TPSG1: variants seen among roughly 807,000 people sequenced by gnomAD.
TPSG1 encodes tryptase gamma.
TPSG1 carries 43 observed loss-of-function variants against 23.8 expected under a neutral mutation model. The observed-to-expected ratio is 1.81, with a 90% CI of 1.42 to 2.33. The LOEUF (loss-of-function observed/expected upper bound fraction) is 2.33, where lower values mean the gene tolerates loss of function less well. Among genes scored for constraint, TPSG1 ranks in the 30% most tolerant of loss-of-function variants. The pLI is 0.00. For synonymous variants in TPSG1, 302 were observed against 201.3 expected (o/e 1.50, Z -4.23); for missense variants, 623 against 438.6 (o/e 1.42, Z -3.75).
chr16:1,222,351 G>C lies in TPSG1; in HGVS notation c.512-10C>G, dbSNP rs748454866. On this transcript the variant is annotated splice_polypyrimidine_tract_variant and intron_variant, in intron 4 of 5. Transcript: ENST00000234798. ...GGGGGTGGCAGAGGCTCTGGGGTGG[G>C]GGGAACAGGCTTCAGAGAAGGTTGG... The C allele has an allele frequency of 1.9e-6, 3 of 1,579,598 alleles. No individual in the cohort carries two copies. Among genetic ancestry groups the C allele is most frequent in the Non-Finnish European group, 1.7e-6 (2 of 1,161,088 alleles).
chr16:1,223,797 G>A, intron 2 of TPSG1: 1 of 606,620 alleles, frequency 1.6e-6, no homozygotes, highest in South Asian at 2.2e-5. Context: ...TGGGGCTCAG[G>A]TCGTCCTTTC....
chr16:1,221,663 G>T lies in TPSG1; in HGVS notation c.*125C>A. 1 of 1,052,420 alleles carries T rather than the reference G, an allele frequency of 9.5e-7. No homozygotes were observed. Among genetic ancestry groups the T allele is most frequent in the Non-Finnish European group, 1.3e-6 (1 of 742,878 alleles). The allele number at this position is 1,052,420 out of a possible 1,614,324, so 65.2% of individuals were successfully genotyped here. ...TCCCATTGACACCTTTGTTTCGTGT[G>T]CTTTTAAATTCAGGTTAAATGTTGC... On this transcript the variant is annotated 3_prime_UTR_variant, in exon 6 of 6. Transcript: ENST00000234798.
At chr16:1,222,591 C>T (rs1408018548) in intron 4 of TPSG1, 61 bp downstream of exon 4, 3 of 1,514,642 alleles carry the variant, frequency 2.0e-6, no homozygotes, top group Admixed American at 4.2e-5. Context: ...TCCCTCAAGC[C>T]AGCTCTCTTC....
rs139480629 is a variant in TPSG1, at chr16:1,221,964, A to G, written c.790T>C (p.Trp264Arg). The G allele has an allele frequency of 4.4e-5, 71 of 1,612,124 alleles. No homozygotes were observed. The highest frequency in any genetic ancestry group is 5.8e-5 in the Non-Finnish European group (69 of 1,179,614). ...GATGCTGTGATGTGGCGGCGGATCC[A>G]GTTCACGTAGGCAGGGACACGAGTG... ...VYTRVPAYVN[W>R]IRRHITASGG... The change falls in exon 6 of 6, where the codon TGG (tryptophan) becomes CGG (arginine). Residue 264 changes from tryptophan (W) to arginine (R), a missense_variant. Coordinates refer to ENST00000234798, the MANE Select transcript of TPSG1 (RefSeq NM_012467.4).
In TPSG1 at chr16:1,221,793, C is replaced by T; in HGVS notation, c.961G>A (p.Asp321Asn). The T allele has an allele frequency of 1.2e-6, 2 of 1,601,120 alleles. No individual in the cohort carries two copies. The highest frequency in any genetic ancestry group is 1.7e-6 in the Non-Finnish European group (2 of 1,172,600). ...SADGTPFPAP[D>N] ...ATGCACTTGGATTCCTGCCATCAGT[C>T]AGGGGCGGGGAAGGGAGTACCATCC... The change falls in exon 6 of 6, where the codon GAC (aspartate) becomes AAC (asparagine). Residue 321 changes from aspartate (D) to asparagine (N), a missense_variant. Physicochemically the swap from Asp to Asn is conservative, Grantham distance 23. Coordinates refer to ENST00000234798, the MANE Select transcript of TPSG1 (RefSeq NM_012467.4).
At position 1,224,621 on chromosome 16, in the gene TPSG1, G is replaced by A. The variant is rs756665192; in HGVS notation, c.54C>T (p.Ser18=). The part of the protein sequence containing the change: ...LLLLLAVPGV[S]LRTLQPGCGR... ...ACGTACCTGGCTGCAAAGTCCTGAG[G>A]GACACACCTGTGGGAAAGACGAAGG... Residue 18 remains serine (S), a synonymous_variant, in exon 2 of 6, where the codon TCC becomes TCT. Coordinates refer to ENST00000234798, the MANE Select transcript of TPSG1 (RefSeq NM_012467.4). The A allele has an allele frequency of 3.1e-6, 5 of 1,613,664 alleles. No individual in the cohort carries two copies. Among genetic ancestry groups the A allele is most frequent in the Non-Finnish European group, 4.2e-6 (5 of 1,179,880 alleles).
rs143293536 is a variant in TPSG1 at position 1,222,093 on chromosome 16, C to T, written c.661G>A (p.Asp221Asn). The T allele has an allele frequency of 1.1e-5, 18 of 1,612,656 alleles. No homozygotes were observed. The highest frequency in any genetic ancestry group is 1.6e-4 in the Middle Eastern group (1 of 6,082). The part of the protein sequence containing the change: ...ARGPGDACQD[D>N]SGGPLVCQVN... ...TGGCAGACCAGAGGCCCCCCGGAGT[C>T]GTCCTGAGGACAGAGAAGGCGAGCA... The change falls in exon 6 of 6, where the codon GAC becomes AAC. Residue 221 changes from aspartate (D) to asparagine (N), a missense_variant. Transcript: ENST00000234798.
intron 1 of TPSG1, 189 bp from the exon 2 acceptor site, chr16:1,224,817 G>C: frequency 1.5e-6 from 1 of 684,090 alleles, no homozygotes; most frequent in Non-Finnish European, 2.5e-6. Flanking sequence ...ACAAGCCACA[G>C]GCCATAAACG....
chr16:1,221,995 T>TC lies in TPSG1; in HGVS notation c.758dup (p.Val254SerfsTer68). 1 of 1,612,064 alleles carries TC rather than the reference T, an allele frequency of 6.2e-7. No homozygotes were observed. The highest frequency in any genetic ancestry group is 1.1e-5 in the South Asian group (1 of 91,042). ...CGTAGGCAGGGACACGAGTGTAGAC[T>TC]CCCGGCCTGTTGGGGCGGCCGCAGC... On this transcript the variant is annotated frameshift_variant, in exon 6 of 6. Coordinates refer to ENST00000234798, the MANE Select transcript of TPSG1 (RefSeq NM_012467.4). LOFTEE classifies it low-confidence loss of function (END_TRUNC).
At position 1,224,626 on chromosome 16, in the gene TPSG1, C is replaced by T; in HGVS notation, c.49G>A (p.Val17Met). The T allele has an allele frequency of 6.2e-7, 1 of 1,613,808 alleles. No individual in the cohort carries two copies. Among genetic ancestry groups the T allele is most frequent in the Non-Finnish European group, 8.5e-7 (1 of 1,179,866 alleles). The change falls in exon 2 of 6, where the codon GTG becomes ATG. Residue 17 changes from valine to methionine, a missense_variant and splice_region_variant. Val to Met is a conservative substitution (Grantham distance 21, BLOSUM62 1). Coordinates refer to ENST00000234798, the MANE Select transcript of TPSG1 (RefSeq NM_012467.4). The stretch of plus-strand genomic sequence containing the variant: ...CCTGGCTGCAAAGTCCTGAGGGACA[C>T]ACCTGTGGGAAAGACGAAGGGCCCA... Reference protein sequence around the residue: ...GLLLLLAVPGVSLRTLQPGCG... With the variant: ...GLLLLLAVPGMSLRTLQPGCG...
Position 1,222,638 on chromosome 16 carries a change from CG to C in TPSG1, c.511+13del. 4.6e-6 allele frequency: 7 copies of C among 1,533,474 alleles called. No homozygotes were observed. Among genetic ancestry groups the C allele is most frequent in the Non-Finnish European group, 6.2e-6 (7 of 1,136,016 alleles). The allele number at this position is 1,533,474 out of a possible 1,614,324, so 95.0% of individuals were successfully genotyped here. ...GCCTTCCTCCATCCCAGCATCCCCA[CG>C]GGGGCTCCTCACCTCCCTCCCGCGT... On this transcript the variant is annotated intron_variant, in intron 4 of 5. Transcript: ENST00000234798.
intron 3 of TPSG1, among the ~76,000 whole-genome samples, chr16:1,223,194 G>C (rs2029919053): frequency 6.6e-6 from 1 of 152,234 alleles, no homozygotes; most frequent in African/African-American, 2.4e-5. Context: ...CACGTGAAGA[G>C]ACCGAGGGGA....
At chr16:1,224,889 C>T in intron 1 of TPSG1, 1 of 598,502 alleles carries the variant, frequency 1.7e-6, no homozygotes, top group Non-Finnish European at 3.0e-6. Context: ...CCAGGTCCTG[C>T]TCAGGAAAGA....
intron 1 of TPSG1, chr16:1,224,857 G>C (rs2030062534): frequency 8.1e-6 from 5 of 615,652 alleles, no homozygotes; most frequent in Non-Finnish European, 1.4e-5. Context: ...TTGGCCTCAG[G>C]CCTGGGCCTC....
chr16:1,223,374 C>A (rs919644961), intron 3 of TPSG1, 49 bp downstream of exon 3: 2 of 1,525,150 alleles, frequency 1.3e-6, no homozygotes, highest in Non-Finnish European at 1.8e-6. Flanking sequence ...GGCGCATGCC[C>A]CACTGGGGCC....
chr16:1,223,898 C>T (rs544509559), intron 2 of TPSG1: 41 of 430,996 alleles, frequency 9.5e-5, no homozygotes, highest in African/African-American at 5.9e-4. Flanking sequence ...GGGCTCAGAA[C>T]GGTGGAGCCC....
intron 4 of TPSG1, 97 bp downstream of exon 4, chr16:1,222,555 A>T: frequency 6.7e-7 from 1 of 1,484,116 alleles, no homozygotes; most frequent in Non-Finnish European, 9.0e-7. Flanking sequence ...TGTGGAAGCC[A>T]CCAGGAGCAG....
At chr16:1,223,870 C>T (rs2141423449) in intron 2 of TPSG1, 1 of 490,912 alleles carries the variant, frequency 2.0e-6, no homozygotes, top group Non-Finnish European at 3.5e-6. Flanking sequence ...TGCAGAGGGC[C>T]CCTAGGCGGC....
In TPSG1 at chr16:1,222,353, G is replaced by T; in HGVS notation, c.512-12C>A. The T allele has an allele frequency of 6.3e-7, 1 of 1,575,876 alleles. No individual in the cohort carries two copies. On this transcript the variant is annotated splice_polypyrimidine_tract_variant and intron_variant, in intron 4 of 5. Coordinates refer to ENST00000234798, the MANE Select transcript of TPSG1 (RefSeq NM_012467.4). ...GGGTGGCAGAGGCTCTGGGGTGGGG[G>T]GAACAGGCTTCAGAGAAGGTTGGGG...
Sources: allele counts gnomAD v4.1 joint callset (sites outside exome capture counted in the v4.1 genomes callset), GRCh38; gene constraint gnomAD v4.1.1; transcripts MANE v1.5; gene names NCBI Gene and HGNC (gene_info 2026-07-23, HGNC 2026-07-21).